Variants in EPHB1 observed in about 807,000 individuals in gnomAD.
EPHB1 encodes ephrin type-B receptor 1.
In EPHB1, 30 loss-of-function variants were observed where a neutral mutation model predicts 94.4. That is an observed-to-expected ratio of 0.32 (90% CI 0.24 to 0.43). The LOEUF is 0.43. EPHB1 is among the 20% of genes least tolerant of loss of function. The probability of loss-of-function intolerance (pLI) is 1.00; values close to 1 mark genes in which losing one functional copy is unlikely to be tolerated. For synonymous variants in EPHB1, 522 were observed against 489.1 expected (o/e 1.07, Z -0.89); for missense variants, 1,055 against 1,308.3 (o/e 0.81, Z 2.99).
rs371710725 is a variant in EPHB1 at position 135,133,008 on chromosome 3, C to T, written c.1256C>T (p.Pro419Leu). 5 of 1,605,098 alleles carry T rather than the reference C, an allele frequency of 3.1e-6. No individual in the cohort carries two copies. The highest frequency in any genetic ancestry group is 1.7e-4 in the Middle Eastern group (1 of 6,054). ...INGVSSKSPF[P>L]PQHVSVNITT... ...GGAGTCTCCAGCAAGAGTCCCTTCC[C>T]CCCACAGCACGTCTCTGTCAACATC... Residue 419 changes from proline to leucine, a missense_variant, in exon 5 of 16, where the codon CCC becomes CTC. Pro to Leu is a moderately conservative substitution (Grantham distance 98, BLOSUM62 -3). Transcript: ENST00000398015.
chr3:135,192,340 T>TCTGAAATTCCACTTAAAACAAACTC (rs1445579707), intron 10 of EPHB1, among the ~76,000 whole-genome samples: 1 of 2,626 alleles, frequency 3.8e-4, no homozygotes. Context: ...CCACTTTAGT[T>TCTGAAATTCCACTTAAAACAAACTC]ACCCAAACTA....
At chr3:135,177,268 C>T (rs1365174468) in intron 9 of EPHB1, among the ~76,000 whole-genome samples, 6 of 152,200 alleles carry the variant, frequency 3.9e-5, no homozygotes, top group Non-Finnish European at 8.8e-5. Flanking sequence ...GGGCTGTTTA[C>T]GTCCTCTCAC....
intron 12 of EPHB1, among the ~76,000 whole-genome samples, chr3:135,235,306 G>A (rs755553266): frequency 2.6e-5 from 4 of 152,172 alleles, no homozygotes; most frequent in Non-Finnish European, 4.4e-5. Context: ...GACTTATGTC[G>A]GATTGATCTA....
intron 6 of EPHB1, among the ~76,000 whole-genome samples, chr3:135,156,379 G>A (rs1941355585): frequency 6.6e-6 from 1 of 152,174 alleles, no homozygotes; most frequent in African/African-American, 2.4e-5. Flanking sequence ...AGAGACCTAT[G>A]GGCCTGCAAC....
intron 3 of EPHB1, among the ~76,000 whole-genome samples, chr3:135,081,725 T>C (rs1938171794): frequency 6.6e-6 from 1 of 152,158 alleles, no homozygotes; most frequent in South Asian, 2.1e-4. Flanking sequence ...CCAGCCCCTC[T>C]GAGCCTGAGA....
chr3:134,923,387 C>T (rs1346439634), intron 1 of EPHB1, among the ~76,000 whole-genome samples: 1 of 152,162 alleles, frequency 6.6e-6, no homozygotes, highest in Admixed American at 6.5e-5. Context: ...ACACAGGCAC[C>T]TGCTGAGATA....
intron 3 of EPHB1, among the ~76,000 whole-genome samples, chr3:135,004,909 C>A (rs1268892190): frequency 6.6e-6 from 1 of 152,050 alleles, no homozygotes; most frequent in East Asian, 1.9e-4. Flanking sequence ...TTTGAATGTC[C>A]TCCCATAGCT....
At chr3:135,209,042 A>G (rs1942970255) in intron 12 of EPHB1, among the ~76,000 whole-genome samples, 2 of 152,338 alleles carry the variant, frequency 1.3e-5, no homozygotes, top group South Asian at 4.1e-4. Flanking sequence ...AATCTGGATA[A>G]TTTGAGCCTC....
At chr3:135,052,890 A>AAAAAAAAAT (rs1553726757) in intron 3 of EPHB1, among the ~76,000 whole-genome samples, 13 of 54,608 alleles carry the variant, frequency 2.4e-4, no homozygotes, top group African/African-American at 9.6e-4. Context: ...AAAAAAAAAA[A>AAAAAAAAAT]ATATATATAT....
At chr3:134,959,198 C>T (rs13316480) in intron 3 of EPHB1, among the ~76,000 whole-genome samples, 17,329 of 152,188 alleles carry the variant, frequency 0.11, 1,106 homozygotes, top group Non-Finnish European at 0.13. Flanking sequence ...CTAATGCCAT[C>T]GTTTTCTTCA....
intron 4 of EPHB1, among the ~76,000 whole-genome samples, chr3:135,124,604 C>T (rs1043245861): frequency 6.6e-6 from 1 of 151,706 alleles, no homozygotes; most frequent in Non-Finnish European, 1.5e-5. Flanking sequence ...GCAGATTTTA[C>T]CAGTGAATAT....
At chr3:134,961,865 G>C (rs1426350121) in intron 3 of EPHB1, among the ~76,000 whole-genome samples, 12 of 152,272 alleles carry the variant, frequency 7.9e-5, no homozygotes, top group African/African-American at 2.9e-4. Context: ...ATATCCTTGT[G>C]CATCAGTCTT....
chr3:135,107,732 GAGTAA>G (rs1411807230), intron 4 of EPHB1, among the ~76,000 whole-genome samples: 2 of 152,158 alleles, frequency 1.3e-5, no homozygotes, highest in Non-Finnish European at 2.9e-5. Context: ...AACCTTTACT[GAGTAA>G]AGAGGGGGAA....
At chr3:134,949,887 T>G (rs1029116056) in intron 2 of EPHB1, among the ~76,000 whole-genome samples, 3 of 152,170 alleles carry the variant, frequency 2.0e-5, no homozygotes, top group African/African-American at 7.2e-5. Flanking sequence ...ACCCAGCAAC[T>G]CTTCTTTGAC....
chr3:134,898,009 C>T (rs1000646364), intron 1 of EPHB1, among the ~76,000 whole-genome samples: 3 of 152,260 alleles, frequency 2.0e-5, no homozygotes, highest in Middle Eastern at 3.4e-3. Flanking sequence ...GACTTGGGGC[C>T]TCTCTGATTA....
chr3:135,213,950 TAA>T (rs1450170641), intron 12 of EPHB1, among the ~76,000 whole-genome samples: 1 of 152,156 alleles, frequency 6.6e-6, no homozygotes, highest in Non-Finnish European at 1.5e-5. Context: ...TGAATTGCAT[TAA>T]GTCTTCAAGG....
At chr3:135,084,668 C>G (rs1008502548) in intron 3 of EPHB1, among the ~76,000 whole-genome samples, 1 of 152,172 alleles carries the variant, frequency 6.6e-6, no homozygotes, top group Non-Finnish European at 1.5e-5. Context: ...GGTTCAGCTC[C>G]CTCATTCCCA....
In EPHB1 at chr3:135,097,133, G is replaced by A. The variant is rs118123486; in HGVS notation, c.806-9315G>A. On this transcript the variant is annotated intron_variant, in intron 3 of 15. Transcript: ENST00000398015. The stretch of plus-strand genomic sequence containing the variant: ...AAAAAAAAGAAAAAAAATTACATTC[G>A]GAATTAGGCTTCAACGTATGATTTT... Among the ~76,000 whole-genome samples, 239 of 147,914 alleles carry A rather than the reference G, an allele frequency of 1.6e-3. 3 individuals carry two copies. Among genetic ancestry groups the A allele is most frequent in the East Asian group, 0.01 (53 of 5,094 alleles).
At chr3:134,985,817 A>G (rs1424598980) in intron 3 of EPHB1, among the ~76,000 whole-genome samples, 1 of 152,120 alleles carries the variant, frequency 6.6e-6, no homozygotes, top group Non-Finnish European at 1.5e-5. Flanking sequence ...GATTGATTTG[A>G]GAGGTGGTGT....
Sources: gnomAD v4.1 joint callset for allele counts (sites outside exome capture counted in the v4.1 genomes callset) on GRCh38, gnomAD v4.1.1 for gene constraint, MANE v1.5 for transcripts, NCBI Gene and HGNC (gene_info 2026-07-23, HGNC 2026-07-21) for gene names.